AQP9: variants seen among roughly 807,000 people sequenced by gnomAD.
AQP9 encodes aquaporin 9.
AQP9 carries 19 observed loss-of-function variants against 23.8 expected under a neutral mutation model. The observed-to-expected ratio is 0.80, with a 90% CI of 0.56 to 1.17. The LOEUF is 1.17. Among genes scored for constraint, AQP9 ranks in the 50% most tolerant of loss-of-function variants. The probability of loss-of-function intolerance (pLI) is 0.00; values close to 1 mark genes in which losing one functional copy is unlikely to be tolerated. For synonymous variants in AQP9, 153 were observed against 131.5 expected (o/e 1.16, Z -1.12); for missense variants, 413 against 362.0 (o/e 1.14, Z -1.14).
intron 2 of AQP9, among the ~76,000 whole-genome samples, chr15:58,172,295 A>G (rs1898641957): frequency 1.3e-5 from 2 of 152,210 alleles, no homozygotes; most frequent in South Asian, 2.1e-4. Context: ...TAACCCTACA[A>G]TGGTGTCTGG....
intron 2 of AQP9, among the ~76,000 whole-genome samples, chr15:58,169,542 A>G (rs1268113016): frequency 1.3e-5 from 2 of 152,192 alleles, no homozygotes; most frequent in South Asian, 2.1e-4. Context: ...TGCAGCTAAC[A>G]TACTGGTTTG....
intron 1 of AQP9, chr15:58,155,708 C>G (rs1219454975): frequency 6.6e-6 from 1 of 152,116 alleles, no homozygotes; most frequent in Non-Finnish European, 1.5e-5. Context: ...ACCTGATCTC[C>G]TGAGCTACCC....
intron 5 of AQP9, 36 bp downstream of exon 5, chr15:58,179,381 C>G (rs1223846681): frequency 1.2e-5 from 18 of 1,562,514 alleles, no homozygotes; most frequent in Non-Finnish European, 1.6e-5. Flanking sequence ...GAGACAGAGT[C>G]ATGCTGCGCC....
intron 2 of AQP9, among the ~76,000 whole-genome samples, chr15:58,172,713 CG>C (rs1779876183): frequency 6.6e-6 from 1 of 152,062 alleles, no homozygotes; most frequent in Non-Finnish European, 1.5e-5. Context: ...TAAAAGATAT[CG>C]AAGTTAATAG....
intron 3 of AQP9, among the ~76,000 whole-genome samples, chr15:58,174,341 T>C (rs1898691861): frequency 6.6e-6 from 1 of 151,846 alleles, no homozygotes; most frequent in Non-Finnish European, 1.5e-5. Flanking sequence ...AAAGGGACTT[T>C]TCCCCATAGA....
In AQP9 at chr15:58,147,930, G is replaced by A. The variant is rs1427442530; in HGVS notation, c.111+9254G>A. 4.0e-5 allele frequency among the ~76,000 whole-genome samples: 6 copies of A among 151,638 alleles called. No individual in the cohort carries two copies. The East Asian group carries it at 5.8e-4, about 15-fold the overall frequency. On this transcript the variant is annotated intron_variant, in intron 1 of 5. Coordinates refer to ENST00000219919, the MANE Select transcript of AQP9 (RefSeq NM_020980.5). Reference sequence around the variant, plus strand: ...CACATATACATGCACACACACAGAGGCACATGCACACTTTTTGACAACATA... The same window carrying A: ...CACATATACATGCACACACACAGAGACACATGCACACTTTTTGACAACATA...
intron 3 of AQP9, among the ~76,000 whole-genome samples, chr15:58,173,605 A>G (rs1031300005): frequency 1.3e-5 from 2 of 152,184 alleles, no homozygotes; most frequent in East Asian, 1.9e-4. Context: ...CTTTGAAGGA[A>G]GAGACACAGC....
chr15:58,173,045 A>G (rs771093136), intron 2 of AQP9, 23 bp from the exon 3 acceptor site: 1 of 1,613,312 alleles, frequency 6.2e-7, no homozygotes, highest in East Asian at 2.2e-5. Context: ...CTGCCCTCTC[A>G]CTTCTCCAAT....
intron 2 of AQP9, among the ~76,000 whole-genome samples, chr15:58,167,636 A>G (rs1566987557): frequency 1.3e-5 from 2 of 152,210 alleles, no homozygotes; most frequent in East Asian, 1.9e-4. Context: ...TGCAGCTGGT[A>G]AAGAAGAAGA....
At chr15:58,144,059 T>C (rs1897996779) in intron 1 of AQP9, among the ~76,000 whole-genome samples, 1 of 152,258 alleles carries the variant, frequency 6.6e-6, no homozygotes, top group Admixed American at 6.5e-5. Context: ...CTAGTAATTG[T>C]ACTCAATTCC....
At position 58,174,036 on chromosome 15, in the gene AQP9, C is replaced by T. The variant is rs187457179; in HGVS notation, c.376+831C>T. 1.3e-3 allele frequency among the ~76,000 whole-genome samples: 193 copies of T among 152,236 alleles called. 4 individuals are homozygous for T. In the South Asian group the frequency reaches 0.016, roughly 13 times the overall value. On this transcript the variant is annotated intron_variant, in intron 3 of 5. Transcript: ENST00000219919. ...TGGTGGCTCATGCCTGTAATCCCAA[C>T]ACTTTGGGAGGCATAAGTGGGAGGA...
intron 1 of AQP9, 129 bp from the exon 2 acceptor site, chr15:58,166,544 T>A: frequency 8.1e-7 from 1 of 1,235,192 alleles, no homozygotes; most frequent in Middle Eastern, 2.1e-4. Context: ...ATCATTATAA[T>A]TTGATTTGTA....
intron 1 of AQP9, among the ~76,000 whole-genome samples, chr15:58,165,972 A>G (rs1226362072): frequency 6.6e-6 from 1 of 152,210 alleles, no homozygotes; most frequent in Non-Finnish European, 1.5e-5. Flanking sequence ...CTGATTGCCA[A>G]ATCTATCCCC....
chr15:58,144,052 G>A (rs555953105), intron 1 of AQP9, among the ~76,000 whole-genome samples: 1 of 152,272 alleles, frequency 6.6e-6, no homozygotes, highest in East Asian at 1.9e-4. Flanking sequence ...AATTTCACTA[G>A]TAATTGTACT....
chr15:58,163,410 A>G (rs577364946), intron 1 of AQP9, among the ~76,000 whole-genome samples: 2 of 147,406 alleles, frequency 1.4e-5, no homozygotes, highest in African/African-American at 5.0e-5. Context: ...AATCAAAGAG[A>G]CTCACATATT....
chr15:58,165,392 G>C (rs1898476727), intron 1 of AQP9, among the ~76,000 whole-genome samples: 2 of 152,038 alleles, frequency 1.3e-5, no homozygotes, highest in Non-Finnish European at 2.9e-5. Flanking sequence ...AAAACAGATG[G>C]GTTTTAAAAA....
chr15:58,183,703 T>C (rs1372396614), intron 5 of AQP9, among the ~76,000 whole-genome samples: 1 of 152,082 alleles, frequency 6.6e-6, no homozygotes, highest in Non-Finnish European at 1.5e-5. Context: ...GGCACTATAT[T>C]TTATAAAAAG....
intron 2 of AQP9, among the ~76,000 whole-genome samples, chr15:58,168,508 C>T (rs1263146257): frequency 3.3e-5 from 5 of 152,092 alleles, no homozygotes; most frequent in Admixed American, 6.5e-5. Context: ...GGCTGTGCAT[C>T]CGGAATGGCC....
chr15:58,182,523 G>T (rs1898915988), intron 5 of AQP9, among the ~76,000 whole-genome samples: 1 of 152,154 alleles, frequency 6.6e-6, no homozygotes, highest in Admixed American at 6.5e-5. Context: ...GAAGAAATTT[G>T]CCATAAAAGG....
Sources: allele counts gnomAD v4.1 joint callset (sites outside exome capture counted in the v4.1 genomes callset), GRCh38; gene constraint gnomAD v4.1.1; transcripts MANE v1.5; gene names NCBI Gene and HGNC (gene_info 2026-07-23, HGNC 2026-07-21).